RBFOX1: variants seen among roughly 807,000 people sequenced by gnomAD.
The protein encoded by RBFOX1 is RNA binding fox-1 homolog 1.
Under a neutral mutation model 57.7 loss-of-function variants are expected in RBFOX1, and 8 were observed. That is an observed-to-expected ratio of 0.14 (90% CI 0.08 to 0.25). The LOEUF is 0.25. Ranked by LOEUF, RBFOX1 falls within the 10% of genes least tolerant of loss-of-function variation. RBFOX1 has a pLI of 1.00. For missense variants in RBFOX1, 611 were observed against 548.5 expected, an observed-to-expected ratio of 1.11 and a Z score of -1.14; for synonymous variants, 326 against 222.4, an observed-to-expected ratio of 1.47 and a Z score of -4.15.
At chr16:6,085,676 G>A (rs1470567122) in intron 1 of RBFOX1, among the ~76,000 whole-genome samples, 1 of 151,764 alleles carries the variant, frequency 6.6e-6, no homozygotes, top group African/African-American at 2.4e-5. Context: ...GTGTCTGTGT[G>A]TGTGCATGCG....
chr16:5,357,085 G>C (rs1401984499), intron 1 of RBFOX1, among the ~76,000 whole-genome samples: 1 of 152,188 alleles, frequency 6.6e-6, no homozygotes, highest in East Asian at 1.9e-4. Flanking sequence ...TAGGAGTGGT[G>C]CTGCTCTTAA....
chr16:6,253,382 A>G (rs1245673917), intron 1 of RBFOX1, among the ~76,000 whole-genome samples: 4 of 152,038 alleles, frequency 2.6e-5, no homozygotes, highest in African/African-American at 7.2e-5. Flanking sequence ...GCATGCATGA[A>G]CTCCTGGGGA....
intron 2 of RBFOX1, among the ~76,000 whole-genome samples, chr16:6,601,292 T>C (rs1399781730): frequency 6.6e-6 from 1 of 152,112 alleles, no homozygotes; most frequent in Non-Finnish European, 1.5e-5. Context: ...ACGGCTCTAG[T>C]ATTTAAGCTT....
intron 13 of RBFOX1, among the ~76,000 whole-genome samples, chr16:7,674,562 A>C (rs1393979864): frequency 2.6e-5 from 4 of 152,146 alleles, no homozygotes; most frequent in African/African-American, 9.7e-5. Context: ...CTCACAAGCA[A>C]ATTTCTAGAT....
At chr16:6,397,926 C>G (rs1442914367) in intron 2 of RBFOX1, among the ~76,000 whole-genome samples, 3 of 152,102 alleles carry the variant, frequency 2.0e-5, no homozygotes, top group Non-Finnish European at 2.9e-5. Context: ...AGATATATCA[C>G]TTAACCCAAA....
intron 3 of RBFOX1, among the ~76,000 whole-genome samples, chr16:6,748,456 T>C (rs1210601461): frequency 6.6e-6 from 1 of 151,228 alleles, no homozygotes; most frequent in Non-Finnish European, 1.5e-5. Flanking sequence ...AGCCCAGGAG[T>C]TCAAGACCAG....
intron 1 of RBFOX1, among the ~76,000 whole-genome samples, chr16:6,182,445 A>G (rs2097070968): frequency 2.0e-5 from 3 of 152,220 alleles, no homozygotes; most frequent in South Asian, 4.1e-4. Context: ...GTACGTTTAT[A>G]TAATCAAACA....
chr16:5,612,379 A>G (rs34539162), intron 3 of RBFOX1, among the ~76,000 whole-genome samples: 74,904 of 151,872 alleles, frequency 0.49, 21,704 homozygotes, highest in Non-Finnish European at 0.66. Flanking sequence ...ACCATGTGCC[A>G]GGTCCTGTGA....
chr16:7,415,309 T>G (rs1008917609), intron 4 of RBFOX1, among the ~76,000 whole-genome samples: 5 of 152,192 alleles, frequency 3.3e-5, no homozygotes, highest in Admixed American at 3.3e-4. Flanking sequence ...TAATCCAAGA[T>G]AAATCCATAT....
chr16:7,573,407 C>T (rs1412890631), intron 5 of RBFOX1, among the ~76,000 whole-genome samples: 1 of 152,114 alleles, frequency 6.6e-6, no homozygotes, highest in Non-Finnish European at 1.5e-5. Flanking sequence ...TTCCCGTCCA[C>T]CTCTAACATC....
At chr16:5,341,526 A>G (rs1459330011) in intron 1 of RBFOX1, among the ~76,000 whole-genome samples, 1 of 152,158 alleles carries the variant, frequency 6.6e-6, no homozygotes, top group Non-Finnish European at 1.5e-5. Flanking sequence ...GGGGAAAAGA[A>G]CTGAGATATT....
chr16:7,408,292 C>T (rs191249135), intron 4 of RBFOX1, among the ~76,000 whole-genome samples: 1 of 152,200 alleles, frequency 6.6e-6, no homozygotes, highest in African/African-American at 2.4e-5. Flanking sequence ...TGCTTCACTG[C>T]AGTGACTTGT....
chr16:5,679,562 T>G (rs1202467840), intron 3 of RBFOX1, among the ~76,000 whole-genome samples: 1 of 152,162 alleles, frequency 6.6e-6, no homozygotes, highest in East Asian at 1.9e-4. Context: ...GTCCATGTGT[T>G]CTCATTGTTC....
chr16:7,634,865 G>C (rs551856953), intron 11 of RBFOX1, among the ~76,000 whole-genome samples: 21 of 152,286 alleles, frequency 1.4e-4, no homozygotes, highest in Non-Finnish European at 2.9e-5. Flanking sequence ...AATGAAGAAA[G>C]AACAAAACTC....
At chr16:7,513,558 G>C (rs999593101) in intron 4 of RBFOX1, among the ~76,000 whole-genome samples, 11 of 152,184 alleles carry the variant, frequency 7.2e-5, no homozygotes, top group Admixed American at 3.9e-4. Context: ...CGTATACTCT[G>C]TAAGATGTTT....
chr16:6,583,018 C>G (rs764841989), intron 2 of RBFOX1, among the ~76,000 whole-genome samples: 1 of 133,380 alleles, frequency 7.5e-6, no homozygotes, highest in Admixed American at 8.1e-5. Flanking sequence ...CCTCTCTTGT[C>G]TCTTGCTCGA....
intron 3 of RBFOX1, among the ~76,000 whole-genome samples, chr16:6,753,042 AT>A (rs764722686): frequency 1.3e-4 from 19 of 151,406 alleles, no homozygotes; most frequent in Non-Finnish European, 2.2e-4. Context: ...TAACTTTTTC[AT>A]AGTGGTCATA....
At chr16:7,323,656 G>T (rs1430489147) in intron 4 of RBFOX1, among the ~76,000 whole-genome samples, 2 of 152,184 alleles carry the variant, frequency 1.3e-5, no homozygotes, top group African/African-American at 4.8e-5. Flanking sequence ...TAATGTACTA[G>T]ATGGAACAGA....
intron 1 of RBFOX1, among the ~76,000 whole-genome samples, chr16:6,305,092 C>G (rs1453708867): frequency 6.6e-6 from 1 of 152,182 alleles, no homozygotes; most frequent in Non-Finnish European, 1.5e-5. Flanking sequence ...GTCTGAGCTC[C>G]TTTCTTGTAA....
Sources: allele counts gnomAD v4.1 joint callset (sites outside exome capture counted in the v4.1 genomes callset), GRCh38; gene constraint gnomAD v4.1.1; transcripts MANE v1.5; gene names NCBI Gene and HGNC (gene_info 2026-07-23, HGNC 2026-07-21).